The following FGF12 variants were observed in gnomAD, a reference collection of about 807,000 sequenced individuals.
FGF12 encodes the protein fibroblast growth factor 12.
In FGF12, 14 loss-of-function variants were observed where a neutral mutation model predicts 23.6. That is an observed-to-expected ratio of 0.59 (90% CI 0.39 to 0.93). The LOEUF (loss-of-function observed/expected upper bound fraction) is 0.93, where lower values mean the gene tolerates loss of function less well. Among genes scored for constraint, FGF12 ranks in the 40% least tolerant of loss-of-function variants. The pLI is 0.00. For missense variants in FGF12, 175 were observed against 217.8 expected (o/e 0.80, Z 1.24); for synonymous variants, 62 against 77.3 (o/e 0.80, Z 1.04).
At chr3:192,602,473 T>A (rs1714152787) in intron 2 of FGF12, among the ~76,000 whole-genome samples, 1 of 152,108 alleles carries the variant, frequency 6.6e-6, no homozygotes, top group African/African-American at 2.4e-5. Context: ...ACCTTATCCA[T>A]CAAATTCTAT....
At chr3:192,490,437 T>C (rs933647149) in intron 2 of FGF12, among the ~76,000 whole-genome samples, 2 of 152,170 alleles carry the variant, frequency 1.3e-5, no homozygotes, top group African/African-American at 4.8e-5. Flanking sequence ...TATGTGTGTA[T>C]GGATATTGTA....
chr3:192,342,786 A>T (rs1005061975), intron 3 of FGF12, among the ~76,000 whole-genome samples: 1 of 152,108 alleles, frequency 6.6e-6, no homozygotes, highest in Non-Finnish European at 1.5e-5. Context: ...TGTCTCAACA[A>T]AATAAAATAA....
chr3:192,467,399 CTT>C (rs1390282234), intron 2 of FGF12, among the ~76,000 whole-genome samples: 2 of 152,242 alleles, frequency 1.3e-5, no homozygotes, highest in Admixed American at 6.5e-5. Flanking sequence ...TCTGTTTACT[CTT>C]TTGTTAGTTT....
intron 2 of FGF12, among the ~76,000 whole-genome samples, chr3:192,436,401 C>A (rs1033276129): frequency 6.6e-6 from 1 of 152,166 alleles, no homozygotes; most frequent in Non-Finnish European, 1.5e-5. Context: ...TAGTAAAACA[C>A]GGATCGCTGG....
At chr3:192,390,363 C>CA (rs1720239773) in intron 2 of FGF12, among the ~76,000 whole-genome samples, 2 of 152,144 alleles carry the variant, frequency 1.3e-5, no homozygotes, top group African/African-American at 4.8e-5. Flanking sequence ...AAGATCTCAC[C>CA]AAAGTACAGT....
intron 2 of FGF12, among the ~76,000 whole-genome samples, chr3:192,526,754 T>C (rs906175030): frequency 5.9e-5 from 9 of 152,374 alleles, no homozygotes; most frequent in Non-Finnish European, 1.2e-4. Context: ...AGAATAGTTA[T>C]ATGATTCTGT....
intron 4 of FGF12, among the ~76,000 whole-genome samples, chr3:192,171,137 A>C (rs979146481): frequency 6.6e-6 from 1 of 152,206 alleles, no homozygotes; most frequent in Admixed American, 6.5e-5. Flanking sequence ...CAGGAAAATC[A>C]CCACTTTTCC....
intron 2 of FGF12, among the ~76,000 whole-genome samples, chr3:192,474,613 C>T (rs538691119): frequency 2.2e-4 from 34 of 152,230 alleles, no homozygotes; most frequent in South Asian, 1.7e-3. Flanking sequence ...AGGCCAGGTA[C>T]GGTGGCTCAG....
At chr3:192,599,630 G>A (rs973067691) in intron 2 of FGF12, among the ~76,000 whole-genome samples, 1 of 151,974 alleles carries the variant, frequency 6.6e-6, no homozygotes, top group African/African-American at 2.4e-5. Context: ...ATGGAGGGAA[G>A]ATTTACTCAT....
chr3:192,567,736 T>C (rs138447693), intron 2 of FGF12, among the ~76,000 whole-genome samples: 3 of 20,950 alleles, frequency 1.4e-4, no homozygotes, highest in East Asian at 3.8e-3. Flanking sequence ...TCCATGTGTC[T>C]CTTTCTTTCT....
chr3:192,283,984 T>C (rs543722862), intron 4 of FGF12, among the ~76,000 whole-genome samples: 2 of 152,184 alleles, frequency 1.3e-5, no homozygotes, highest in African/African-American at 4.8e-5. Flanking sequence ...TTGGGATCAC[T>C]TACAGACACA....
intron 2 of FGF12, among the ~76,000 whole-genome samples, chr3:192,517,320 C>T (rs1045964911): frequency 6.6e-6 from 1 of 152,144 alleles, no homozygotes; most frequent in African/African-American, 2.4e-5. Context: ...TACCAACTTC[C>T]CTGGGTTCTG....
intron 3 of FGF12, among the ~76,000 whole-genome samples, chr3:192,353,611 C>T (rs913334308): frequency 3.3e-5 from 5 of 151,898 alleles, no homozygotes; most frequent in Admixed American, 1.3e-4. Flanking sequence ...CCTTGTGATC[C>T]GCCAGCCTCG....
chr3:192,207,058 T>C (rs1264329051), intron 4 of FGF12, among the ~76,000 whole-genome samples: 1 of 152,186 alleles, frequency 6.6e-6, no homozygotes, highest in Non-Finnish European at 1.5e-5. Flanking sequence ...TAACTAGGCT[T>C]TGGCATCAGA....
In FGF12 at chr3:192,550,893, A is replaced by G. The variant is rs150190620; in HGVS notation, c.13+176288T>C. 6.0e-3 allele frequency among the ~76,000 whole-genome samples: 913 copies of G among 152,302 alleles called. 7 individuals carry two copies. Among genetic ancestry groups the G allele is most frequent in the African/African-American group, 0.02 (838 of 41,576 alleles). ...CTTTTTCTCTCTCTTTACAAAAAGCAAAATTATCCCCATTTATTTTAGCTT... is the reference window on the plus strand; with the variant it reads ...CTTTTTCTCTCTCTTTACAAAAAGCGAAATTATCCCCATTTATTTTAGCTT... On this transcript the variant is annotated intron_variant, in intron 2 of 5. Transcript: ENST00000445105.
intron 2 of FGF12, among the ~76,000 whole-genome samples, chr3:192,432,488 G>C (rs942270754): frequency 1.3e-5 from 2 of 152,086 alleles, no homozygotes; most frequent in African/African-American, 4.8e-5. Context: ...TGTTGTGTAA[G>C]ACCCCTCCTT....
At chr3:192,288,765 A>G (rs1412722949) in intron 4 of FGF12, among the ~76,000 whole-genome samples, 2 of 152,142 alleles carry the variant, frequency 1.3e-5, no homozygotes, top group Non-Finnish European at 2.9e-5. Context: ...GCTGGTTACC[A>G]AGGAACATGG....
rs1713352694 is a variant in FGF12 at position 192,141,127 on chromosome 3, CCAAAAAAAAAAAAAAA to C, written c.*2866_*2881del. On this transcript the variant is annotated 3_prime_UTR_variant, in exon 6 of 6. Transcript: ENST00000445105. ...TCCTGGGAAAAATCCCAATGCAACT[CCAAAAAAAAAAAAAAA>C]AAAAAAAAAAAGCTTATTTTACTTA... The C allele has an allele frequency of 4.6e-5, 1 of 21,830 alleles. No individual in the cohort carries two copies. Among genetic ancestry groups the C allele is most frequent in the Non-Finnish European group, 7.7e-5 (1 of 13,038 alleles). The allele number at this position is 21,830 out of a possible 1,614,324, so 1.4% of individuals were successfully genotyped here.
intron 4 of FGF12, among the ~76,000 whole-genome samples, chr3:192,280,076 A>G (rs1255931111): frequency 6.6e-6 from 1 of 152,238 alleles, no homozygotes; most frequent in Non-Finnish European, 1.5e-5. Flanking sequence ...ATGAAAATAA[A>G]AGACAGTTTC....
Sources: allele counts gnomAD v4.1 joint callset (sites outside exome capture counted in the v4.1 genomes callset), GRCh38; gene constraint gnomAD v4.1.1; transcripts MANE v1.5; gene names NCBI Gene and HGNC (gene_info 2026-07-23, HGNC 2026-07-21).